Variants in CXCL17 observed in about 807,000 individuals in gnomAD.
The protein encoded by CXCL17 is C-X-C motif chemokine 17.
A neutral mutation model predicts 15.5 loss-of-function variants in CXCL17; 9 were observed. The observed-to-expected ratio is 0.58, with a 90% CI of 0.35 to 1.01. The LOEUF is 1.01. Among genes scored for constraint, CXCL17 ranks in the 50% least tolerant of loss-of-function variants. The pLI is 0.02. For synonymous variants in CXCL17, 52 were observed against 52.3 expected, an observed-to-expected ratio of 0.99 and a Z score of 0.02; for missense variants, 133 against 138.2, an observed-to-expected ratio of 0.96 and a Z score of 0.19.
At position 42,429,034 on chromosome 19, in the gene CXCL17, C is replaced by CA. The variant is rs376572477; in HGVS notation, c.263-54_263-53insT. 595 of 1,227,740 alleles carry CA rather than the reference C, an allele frequency of 4.8e-4. 4 individuals carry two copies. In the African/African-American group the frequency reaches 8.3e-3, roughly 17 times the overall value. 76.1% of individuals were successfully genotyped at this position (1,227,740 alleles called of 1,614,324 possible). On this transcript the variant is annotated intron_variant, in intron 3 of 3. Transcript: ENST00000601181. ...AGTGTTAAAACCATTTTTAACATTT[C>CA]TTTTTTTTTTGGAGACGGAGTCTTG...
In CXCL17 at chr19:42,438,133, C is replaced by T. The variant is rs549415516; in HGVS notation, c.80-4277G>A. 1.7e-3 allele frequency among the ~76,000 whole-genome samples: 254 copies of T among 151,296 alleles called. 1 individual carries two copies. Among genetic ancestry groups the T allele is most frequent in the Non-Finnish European group, 3.2e-3 (214 of 67,822 alleles). ...CAGCACTTTGGGAGGCCGAGGCAGG[C>T]GGATCACGAGGTCAGGAGATTGAGA... On this transcript the variant is annotated intron_variant, in intron 1 of 3. Coordinates refer to ENST00000601181, the MANE Select transcript of CXCL17 (RefSeq NM_198477.3).
At chr19:42,438,405 TAAAATAC>T (rs2040858132) in intron 1 of CXCL17, among the ~76,000 whole-genome samples, 1 of 66,880 alleles carries the variant, frequency 1.5e-5, no homozygotes, top group African/African-American at 6.3e-5. Flanking sequence ...TATATATATA[TAAAATAC>T]ACACACACAC....
intron 1 of CXCL17, among the ~76,000 whole-genome samples, chr19:42,434,303 C>T (rs934777234): frequency 2.6e-5 from 4 of 152,140 alleles, no homozygotes; most frequent in African/African-American, 7.2e-5. Flanking sequence ...AGGGGTTTGT[C>T]GAAACCTCCT....
intron 1 of CXCL17, among the ~76,000 whole-genome samples, chr19:42,437,337 C>T (rs2040843973): frequency 6.6e-6 from 1 of 152,084 alleles, no homozygotes; most frequent in Admixed American, 6.6e-5. Flanking sequence ...TTAGTTTTTT[C>T]CTAACATGCA....
chr19:42,433,886 C>T, intron 1 of CXCL17, 30 bp from the exon 2 acceptor site: 1 of 1,553,626 alleles, frequency 6.4e-7, no homozygotes, highest in Non-Finnish European at 8.9e-7. Context: ...CACATCCAGA[C>T]ACTGGAAAGG....
intron 1 of CXCL17, among the ~76,000 whole-genome samples, chr19:42,439,917 G>C (rs2040875012): frequency 6.6e-6 from 1 of 152,168 alleles, no homozygotes; most frequent in Non-Finnish European, 1.5e-5. Flanking sequence ...GGGATGATTA[G>C]CAAGATTTGA....
chr19:42,441,256 A>G (rs918451054), intron 1 of CXCL17, among the ~76,000 whole-genome samples: 6 of 152,146 alleles, frequency 3.9e-5, no homozygotes, highest in African/African-American at 1.2e-4. Flanking sequence ...GTGCAAGAAG[A>G]GAGTGTCCAG....
chr19:42,433,386 G>A (rs547180720), intron 2 of CXCL17, among the ~76,000 whole-genome samples: 1 of 152,272 alleles, frequency 6.6e-6, no homozygotes, highest in East Asian at 1.9e-4. Flanking sequence ...GCTTTTCAGT[G>A]GCTACTTTCC....
In CXCL17 at chr19:42,433,010, G is replaced by T; in HGVS notation, c.228C>A (p.Pro76=). The change falls in exon 3 of 4, where the codon CCC becomes CCA. Residue 76 remains proline (P), a synonymous_variant. Coordinates refer to ENST00000601181, the MANE Select transcript of CXCL17 (RefSeq NM_198477.3). ...TCACATTGCCCTTGAAATGATCACA[G>T]GGGCACTGCTTCTTTGGCAGCCCAG... ...TVSGLPKKQC[P]CDHFKGNVKK... is the part of the protein sequence containing the mutation. 6.2e-7 allele frequency: 1 copy of T among 1,613,996 alleles called. No individual in the cohort carries two copies. Among genetic ancestry groups the T allele is most frequent in the East Asian group, 2.2e-5 (1 of 44,880 alleles).
Position 42,433,839 on chromosome 19 carries a change from T to C in CXCL17, c.97A>G (p.Arg33Gly). Residue 33 changes from arginine (R) to glycine (G), a missense_variant, in exon 2 of 4, where the codon AGG (arginine) becomes GGG (glycine). By Grantham distance (125) the Arg-to-Gly change is moderately radical. Coordinates refer to ENST00000601181, the MANE Select transcript of CXCL17 (RefSeq NM_198477.3). ...CTCCTAGAAGCCTGGCCTCGGTCCC[T>C]GTGGCCTCTGGCGACCCCTGTCGGA... ...SLNPGVARGH[R>G]DRGQASRRWL... The C allele has an allele frequency of 1.2e-6, 2 of 1,613,948 alleles. No individual in the cohort carries two copies. The highest frequency in any genetic ancestry group is 2.2e-5 in the East Asian group (1 of 44,882).
chr19:42,440,916 G>T (rs1568623742), intron 1 of CXCL17, among the ~76,000 whole-genome samples: 5 of 152,170 alleles, frequency 3.3e-5, no homozygotes. Context: ...GGGTTTGGAT[G>T]AGGGAGAGGG....
At chr19:42,433,708 G>T in intron 2 of CXCL17, 68 bp downstream of exon 2, 2 of 1,349,652 alleles carry the variant, frequency 1.5e-6, no homozygotes, top group Non-Finnish European at 2.1e-6. Flanking sequence ...ATTGGTCTCA[G>T]AGGGGCCCAA....
At chr19:42,441,581 T>C (rs1262085430) in intron 1 of CXCL17, among the ~76,000 whole-genome samples, 1 of 152,130 alleles carries the variant, frequency 6.6e-6, no homozygotes, top group African/African-American at 2.4e-5. Context: ...GCCCTAGGGC[T>C]ATGGGGCTTA....
intron 2 of CXCL17, 143 bp downstream of exon 2, chr19:42,433,633 A>C: frequency 1.5e-6 from 1 of 686,846 alleles, no homozygotes; most frequent in Non-Finnish European, 2.6e-6. Context: ...GAAAGTGGGC[A>C]CAGGTGCTGC....
intron 1 of CXCL17, among the ~76,000 whole-genome samples, chr19:42,439,300 C>T (rs1339023435): frequency 2.0e-5 from 3 of 149,246 alleles, no homozygotes; most frequent in African/African-American, 7.4e-5. Context: ...ATAACTCTTT[C>T]TTATGGCAGA....
intron 3 of CXCL17, among the ~76,000 whole-genome samples, chr19:42,432,352 C>T (rs1219638975): frequency 6.6e-6 from 1 of 152,014 alleles, no homozygotes; most frequent in Non-Finnish European, 1.5e-5. Context: ...ACCATGTTGG[C>T]CAGGCTGGTC....
intron 1 of CXCL17, among the ~76,000 whole-genome samples, chr19:42,435,353 T>C (rs2040823487): frequency 1.3e-5 from 2 of 152,176 alleles, no homozygotes. Flanking sequence ...GTTCTGTTAT[T>C]GCACTGTAAT....
intron 1 of CXCL17, among the ~76,000 whole-genome samples, chr19:42,440,413 A>G (rs1339942797): frequency 6.6e-6 from 1 of 152,150 alleles, no homozygotes; most frequent in East Asian, 1.9e-4. Context: ...TTTAGCCACT[A>G]AGTAGCTCAG....
chr19:42,435,641 C>A (rs1047266728), intron 1 of CXCL17, among the ~76,000 whole-genome samples: 27 of 151,898 alleles, frequency 1.8e-4, no homozygotes, highest in Non-Finnish European at 3.7e-4. Flanking sequence ...ACCAGCCTGG[C>A]CAACATAGTG....
Sources: gnomAD v4.1 joint callset for allele counts (sites outside exome capture counted in the v4.1 genomes callset) on GRCh38, gnomAD v4.1.1 for gene constraint, MANE v1.5 for transcripts, NCBI Gene and HGNC (gene_info 2026-07-23, HGNC 2026-07-21) for gene names.